The following ZCCHC8 variants were observed in gnomAD, a reference collection of about 807,000 sequenced individuals.
The protein encoded by ZCCHC8 is zinc finger CCHC domain-containing protein 8.
A neutral mutation model predicts 70.6 loss-of-function variants in ZCCHC8; 27 were observed. The observed-to-expected ratio is 0.38, with a 90% CI of 0.28 to 0.53. The LOEUF (loss-of-function observed/expected upper bound fraction) is 0.53, where lower values mean the gene tolerates loss of function less well. ZCCHC8 is among the 20% of genes least tolerant of loss of function. The pLI is 0.81. For synonymous variants in ZCCHC8, 293 were observed against 317.4 expected (o/e 0.92, Z 0.82); for missense variants, 737 against 876.9 (o/e 0.84, Z 2.01).
At position 122,483,125 on chromosome 12, in the gene ZCCHC8, C is replaced by T. The variant is rs933994079; in HGVS notation, c.671+154G>A. Reference sequence around the variant, plus strand: ...CCAGGAAGCAGATGATTCATTTAAACATTTAACATATATGTATGGATTAAA... The same window carrying T: ...CCAGGAAGCAGATGATTCATTTAAATATTTAACATATATGTATGGATTAAA... On this transcript the variant is annotated intron_variant, in intron 7 of 13. Coordinates refer to ENST00000633063, the MANE Select transcript of ZCCHC8 (RefSeq NM_017612.5). This position sits in a 1 kb window ranked among gnomAD's most constrained non-coding sequence, Gnocchi z 4.4. The T allele has an allele frequency of 2.9e-6, 2 of 701,354 alleles. No individual in the cohort carries two copies. The highest frequency in any genetic ancestry group is 1.8e-5 in the African/African-American group (1 of 55,476). 43.4% of individuals were successfully genotyped at this position (701,354 alleles called of 1,614,324 possible).
chr12:122,495,844 T>A (rs1957817706), intron 2 of ZCCHC8, among the ~76,000 whole-genome samples: 1 of 79,092 alleles, frequency 1.3e-5, no homozygotes, highest in Non-Finnish European at 2.3e-5. Flanking sequence ...TGACACTCTG[T>A]CTCAAAAAAA....
At chr12:122,499,272 T>C (rs1338828348) in intron 1 of ZCCHC8, 1 of 171,600 alleles carries the variant, frequency 5.8e-6, no homozygotes, top group Non-Finnish European at 1.2e-5. Flanking sequence ...CTTTCAACTT[T>C]TTTTTTTTTT....
chr12:122,483,198 A>C lies in ZCCHC8; in HGVS notation c.671+81T>G. On this transcript the variant is annotated intron_variant, in intron 7 of 13. Coordinates refer to ENST00000633063, the MANE Select transcript of ZCCHC8 (RefSeq NM_017612.5). This position sits in a 1 kb window ranked among gnomAD's most constrained non-coding sequence, Gnocchi z 4.4. ...ACCTTAGAGTAAACCAGCAGTAAAGAACATGAACTTTTCAAGCCAAAAGTT... is the reference window on the plus strand; with the variant it reads ...ACCTTAGAGTAAACCAGCAGTAAAGCACATGAACTTTTCAAGCCAAAAGTT... 7.7e-7 allele frequency: 1 copy of C among 1,301,248 alleles called. No individual in the cohort carries two copies. Among genetic ancestry groups the C allele is most frequent in the Non-Finnish European group, 1.1e-6 (1 of 929,520 alleles). 80.6% of individuals were successfully genotyped at this position (1,301,248 alleles called of 1,614,324 possible).
In ZCCHC8 at chr12:122,474,271, C is replaced by A; in HGVS notation, c.1350G>T (p.Met450Ile). 1 of 1,399,768 alleles carries A rather than the reference C, an allele frequency of 7.1e-7. No individual in the cohort carries two copies. Among genetic ancestry groups the A allele is most frequent in the Non-Finnish European group, 9.3e-7 (1 of 1,072,456 alleles). The allele number at this position is 1,399,768 out of a possible 1,614,324, so 86.7% of individuals were successfully genotyped here. Residue 450 changes from methionine (M) to isoleucine (I), a missense_variant, in exon 14 of 14, where the codon ATG becomes ATT. Transcript: ENST00000633063. ...SPADMELDSDMEVPHGSQSSE... is the reference protein window; with the variant it reads ...SPADMELDSDIEVPHGSQSSE... ...TGCTCTGAGAACCATGTGGTACCTC[C>A]ATATCTGAAGTAAGAAAGTTAAGAG...
chr12:122,487,964 C>A (rs1957672696), intron 5 of ZCCHC8, among the ~76,000 whole-genome samples: 1 of 151,708 alleles, frequency 6.6e-6, no homozygotes, highest in Non-Finnish European at 1.5e-5. Flanking sequence ...GCAGCCTTGA[C>A]CTCAAGCAGT....
chr12:122,473,506 G>A lies in ZCCHC8; in HGVS notation c.2115C>T (p.Ala705=). ...GTGCTAAGTCAAGCCATTATTCAGA[G>A]GCCTTTTTGTTTTTCTGCTGGTTTC... ...SPRNQQKNKK[A]SE The change falls in exon 14 of 14, where the codon GCC becomes GCT. Residue 705 remains alanine, a synonymous_variant. Coordinates refer to ENST00000633063, the MANE Select transcript of ZCCHC8 (RefSeq NM_017612.5). 6.2e-7 allele frequency: 1 copy of A among 1,613,226 alleles called. No individual in the cohort carries two copies. The highest frequency in any genetic ancestry group is 1.1e-5 in the South Asian group (1 of 91,020).
chr12:122,478,042 A>C, intron 12 of ZCCHC8, 84 bp from the exon 13 acceptor site: 1 of 1,274,194 alleles, frequency 7.8e-7, no homozygotes, highest in Non-Finnish European at 1.1e-6. Context: ...ATGATGTAGA[A>C]AAACAATCTG....
chr12:122,473,249 A>T lies in ZCCHC8; in HGVS notation c.*248T>A, dbSNP rs1957346965. 1 of 467,712 alleles carries T rather than the reference A, an allele frequency of 2.1e-6. No individual in the cohort carries two copies. Among genetic ancestry groups the T allele is most frequent in the Non-Finnish European group, 3.8e-6 (1 of 264,948 alleles). 29.0% of individuals were successfully genotyped at this position (467,712 alleles called of 1,614,324 possible). On this transcript the variant is annotated 3_prime_UTR_variant, in exon 14 of 14. Coordinates refer to ENST00000633063, the MANE Select transcript of ZCCHC8 (RefSeq NM_017612.5). The stretch of plus-strand genomic sequence containing the variant: ...TAGTCACAATCCAAAAATAGTATAA[A>T]CCTTAACAAACCCTCTCTAAACCAG...
At chr12:122,482,971 A>G (rs969888781) in intron 7 of ZCCHC8, 3 of 523,050 alleles carry the variant, frequency 5.7e-6, no homozygotes, top group Admixed American at 7.1e-5. Context: ...AATCAAGGTG[A>G]ACACATTGAT....
Position 122,500,851 on chromosome 12 carries a change from G to A in ZCCHC8, c.-11C>T. 1.3e-6 allele frequency: 2 copies of A among 1,560,702 alleles called. No individual in the cohort carries two copies. Among genetic ancestry groups the A allele is most frequent in the Non-Finnish European group, 1.7e-6 (2 of 1,152,694 alleles). On this transcript the variant is annotated 5_prime_UTR_variant, in exon 1 of 14. Coordinates refer to ENST00000633063, the MANE Select transcript of ZCCHC8 (RefSeq NM_017612.5). The surrounding 1 kb of genome is among the most constrained non-coding windows in gnomAD (Gnocchi z 4.8). The stretch of plus-strand genomic sequence containing the variant: ...CACCTCTGCGGCCATTTTGGGCTGT[G>A]GAAAAGATTCGAGAAGAGGCGGAGC...
rs567249522 is a variant in ZCCHC8, at chr12:122,471,670, T to C, written c.*1827A>G. On this transcript the variant is annotated 3_prime_UTR_variant, in exon 14 of 14. Transcript: ENST00000633063. ...AAGCCAAAAGTATTTTAAATTTTAT[T>C]CTATTTCTAGCACATTCTGTGAGGG... 1.3e-5 allele frequency: 2 copies of C among 152,370 alleles called. No homozygotes were observed. The highest frequency in any genetic ancestry group is 4.1e-4 in the South Asian group (2 of 4,832). The allele number at this position is 152,370 out of a possible 1,614,324, so 9.4% of individuals were successfully genotyped here.
At chr12:122,485,360 C>T (rs1436595967) in intron 5 of ZCCHC8, among the ~76,000 whole-genome samples, 8 of 152,184 alleles carry the variant, frequency 5.3e-5, no homozygotes, top group African/African-American at 1.9e-4. Flanking sequence ...GTGATCTGCC[C>T]GCCTTGGCCT....
At chr12:122,479,924 C>T (rs1957497777) in intron 11 of ZCCHC8, among the ~76,000 whole-genome samples, 2 of 152,190 alleles carry the variant, frequency 1.3e-5, no homozygotes, top group South Asian at 4.1e-4. Flanking sequence ...AATCCTCCCA[C>T]CCCAGCCTCC....
chr12:122,494,240 T>C (rs1251954016), intron 2 of ZCCHC8, among the ~76,000 whole-genome samples: 3 of 152,066 alleles, frequency 2.0e-5, no homozygotes, highest in Non-Finnish European at 4.4e-5. Context: ...CTATTTGGAA[T>C]TGTCCATATC....
chr12:122,473,983 G>T lies in ZCCHC8; in HGVS notation c.1638C>A (p.Asp546Glu). 6.3e-7 allele frequency: 1 copy of T among 1,591,940 alleles called. No individual in the cohort carries two copies. Among genetic ancestry groups the T allele is most frequent in the South Asian group, 1.1e-5 (1 of 88,076 alleles). Reference sequence around the variant, plus strand: ...CAACGGAATTGCCAGTTAAAGGTGTGTCCACAGGAACGTCGGAGTCGCTGT... The same window carrying T: ...CAACGGAATTGCCAGTTAAAGGTGTTTCCACAGGAACGTCGGAGTCGCTGT... ...SVNSDSDVPVDTPLTGNSVAS... is the reference protein window; with the variant it reads ...SVNSDSDVPVETPLTGNSVAS... The change falls in exon 14 of 14, where the codon GAC (aspartate) becomes GAA (glutamate). Residue 546 changes from aspartate (D) to glutamate (E), a missense_variant. Physicochemically the swap from Asp to Glu is conservative, Grantham distance 45. Coordinates refer to ENST00000633063, the MANE Select transcript of ZCCHC8 (RefSeq NM_017612.5).
intron 1 of ZCCHC8, chr12:122,499,170 A>T (rs1957875783): frequency 2.3e-6 from 1 of 432,070 alleles, no homozygotes; most frequent in Admixed American, 3.9e-5. Context: ...CAAACCTTTC[A>T]ACAACCACTA....
Position 122,500,784 on chromosome 12 carries a change from T to C in ZCCHC8, c.57A>G (p.Pro19=). 2 of 1,590,444 alleles carry C rather than the reference T, an allele frequency of 1.3e-6. No homozygotes were observed. Among genetic ancestry groups the C allele is most frequent in the East Asian group, 2.3e-5 (1 of 43,678 alleles). The change falls in exon 1 of 14, where the codon CCA becomes CCG. Residue 19 remains proline (P), a synonymous_variant. Transcript: ENST00000633063. The surrounding 1 kb of genome is among the most constrained non-coding windows in gnomAD (Gnocchi z 4.8). ...DLELFEPFDH[P]EESIPKPVHT... ...GAACGGGCTTCGGAATCGACTCCTC[T>C]GGGTGGTCGAACGGCTCGAAGAGCT...
chr12:122,491,204 C>T (rs558140160), intron 3 of ZCCHC8, among the ~76,000 whole-genome samples: 104 of 152,290 alleles, frequency 6.8e-4, no homozygotes, highest in African/African-American at 2.4e-3. Flanking sequence ...ACCATGTAAT[C>T]GGGGAGCCAT....
chr12:122,488,510 T>C (rs1957682587), intron 5 of ZCCHC8, among the ~76,000 whole-genome samples: 1 of 151,872 alleles, frequency 6.6e-6, no homozygotes, highest in Non-Finnish European at 1.5e-5. Context: ...TATGGGATAA[T>C]ACTACATAAA....
Sources: allele counts gnomAD v4.1 joint callset (sites outside exome capture counted in the v4.1 genomes callset), GRCh38; gene constraint gnomAD v4.1.1; non-coding constraint Gnocchi (gnomAD v3.1); transcripts MANE v1.5; gene names NCBI Gene and HGNC (gene_info 2026-07-23, HGNC 2026-07-21).